SYNPO2: variants seen among roughly 807,000 people sequenced by gnomAD.
SYNPO2 encodes the protein synaptopodin 2.
Under a neutral mutation model 85.0 loss-of-function variants are expected in SYNPO2, and 56 were observed. That is an observed-to-expected ratio of 0.66 (90% confidence interval 0.53 to 0.82). The LOEUF is 0.82. SYNPO2 is among the 40% of genes least tolerant of loss of function. The probability of loss-of-function intolerance (pLI) is 0.00; values close to 1 mark genes in which losing one functional copy is unlikely to be tolerated. For missense variants in SYNPO2, 1,575 were observed against 1,534.2 expected, an observed-to-expected ratio of 1.03 and a Z score of -0.44; for synonymous variants, 602 against 591.1, an observed-to-expected ratio of 1.02 and a Z score of -0.27.
At chr4:118,890,438 C>T (rs1732324532) in intron 1 of SYNPO2, among the ~76,000 whole-genome samples, 1 of 152,136 alleles carries the variant, frequency 6.6e-6, no homozygotes, top group Non-Finnish European at 1.5e-5. Flanking sequence ...AAGTTTTCAG[C>T]TTGGAACTGG....
At chr4:118,962,689 AGAT>A (rs1735148023) in intron 1 of SYNPO2, among the ~76,000 whole-genome samples, 1 of 152,164 alleles carries the variant, frequency 6.6e-6, no homozygotes, top group Non-Finnish European at 1.5e-5. Flanking sequence ...TCAGCTAGGG[AGAT>A]TGGCAAAATC....
intron 1 of SYNPO2, among the ~76,000 whole-genome samples, chr4:118,868,628 A>T (rs1019242131): frequency 1.3e-5 from 2 of 152,180 alleles, no homozygotes; most frequent in Non-Finnish European, 2.9e-5. Flanking sequence ...CAACATGAAA[A>T]AGGAATAAAA....
At chr4:118,861,481 A>G (rs1731610401) in intron 1 of SYNPO2, among the ~76,000 whole-genome samples, 1 of 152,032 alleles carries the variant, frequency 6.6e-6, no homozygotes, top group African/African-American at 2.4e-5. Context: ...GAGCTCTTAG[A>G]TTTAAGTCTT....
At chr4:118,938,457 C>T (rs1415465335) in intron 1 of SYNPO2, among the ~76,000 whole-genome samples, 1 of 152,026 alleles carries the variant, frequency 6.6e-6, no homozygotes, top group Non-Finnish European at 1.5e-5. Context: ...GATGCAGAAA[C>T]TGTAAATATG....
At chr4:118,905,778 G>A (rs906976586) in intron 1 of SYNPO2, among the ~76,000 whole-genome samples, 3 of 152,060 alleles carry the variant, frequency 2.0e-5, no homozygotes, top group Non-Finnish European at 4.4e-5. Context: ...ATCCTCATTT[G>A]TCACCCGAGT....
intron 1 of SYNPO2, among the ~76,000 whole-genome samples, chr4:118,875,476 C>T (rs1417300423): frequency 6.6e-6 from 1 of 152,140 alleles, no homozygotes; most frequent in African/African-American, 2.4e-5. Flanking sequence ...CAGATGTCAT[C>T]ACTGTAACAT....
At chr4:119,040,623 G>A (rs1029538458) in intron 4 of SYNPO2, among the ~76,000 whole-genome samples, 2 of 152,224 alleles carry the variant, frequency 1.3e-5, no homozygotes, top group African/African-American at 4.8e-5. Flanking sequence ...AATGAATGTA[G>A]TGGACTTAGT....
chr4:119,047,357 C>A (rs959439529), intron 4 of SYNPO2, among the ~76,000 whole-genome samples: 1 of 152,218 alleles, frequency 6.6e-6, no homozygotes, highest in African/African-American at 2.4e-5. Flanking sequence ...CTGTGCCCAG[C>A]CCATGAAACT....
intron 1 of SYNPO2, among the ~76,000 whole-genome samples, chr4:118,914,930 T>C (rs944921599): frequency 5.3e-5 from 8 of 151,716 alleles, no homozygotes; most frequent in Admixed American, 2.6e-4. Context: ...GTGCTTAATA[T>C]GTTTATGTTT....
At chr4:118,888,077 C>T (rs1177755106), upstream of SYNPO2, among the ~76,000 whole-genome samples, 2 of 151,978 alleles carry the variant, frequency 1.3e-5, no homozygotes, top group African/African-American at 4.8e-5. Context: ...GGATGACAAA[C>T]TATAAAAATA....
At chr4:118,929,853 T>C (rs1399932920) in intron 1 of SYNPO2, among the ~76,000 whole-genome samples, 2 of 152,160 alleles carry the variant, frequency 1.3e-5, no homozygotes, top group African/African-American at 4.8e-5. Context: ...ATTTGGTTTC[T>C]AATTTATTTA....
chr4:118,880,146 G>A (rs1166747537), intron 1 of SYNPO2, among the ~76,000 whole-genome samples: 2 of 152,170 alleles, frequency 1.3e-5, no homozygotes, highest in African/African-American at 4.8e-5. Flanking sequence ...GTAAGGGTCT[G>A]GCTACTTGCT....
intron 1 of SYNPO2, among the ~76,000 whole-genome samples, chr4:119,007,243 TATGTATATAC>T (rs1360639883): frequency 7.6e-5 from 3 of 39,372 alleles, no homozygotes; most frequent in Non-Finnish European, 1.4e-4. Flanking sequence ...TATATATATA[TATGTATATAC>T]ATATATATAT....
chr4:119,025,990 G>T lies in SYNPO2; in HGVS notation c.258-637G>T, dbSNP rs1224733565. ...CTCCAAGAAACAGATCCAAATAGAA[G>T]AAAGGGAGACATCTCAGATTATAAA... is the stretch of plus-strand genomic sequence containing the variant. On this transcript the variant is annotated intron_variant, in intron 2 of 4. Coordinates refer to ENST00000307142, the MANE Select transcript of SYNPO2 (RefSeq NM_133477.3). 4.6e-5 allele frequency among the ~76,000 whole-genome samples: 7 copies of T among 152,110 alleles called. No homozygotes were observed. The East Asian group carries it at 7.7e-4, about 17-fold the overall frequency.
intron 4 of SYNPO2, among the ~76,000 whole-genome samples, chr4:119,039,393 C>T (rs1738638737): frequency 6.6e-6 from 1 of 152,156 alleles, no homozygotes; most frequent in African/African-American, 2.4e-5. Flanking sequence ...ATGAGTTTTA[C>T]ATGTCTCAGA....
chr4:119,018,467 T>A (rs1009630628), intron 1 of SYNPO2, among the ~76,000 whole-genome samples: 1 of 152,096 alleles, frequency 6.6e-6, no homozygotes, highest in Non-Finnish European at 1.5e-5. Context: ...TAACCAGCAA[T>A]GGGATTGCTG....
intron 1 of SYNPO2, among the ~76,000 whole-genome samples, chr4:118,988,703 G>C (rs1323166549): frequency 6.6e-6 from 1 of 152,136 alleles, no homozygotes; most frequent in Non-Finnish European, 1.5e-5. Context: ...AGGAGTTTCA[G>C]GTCCAGACAT....
At chr4:119,020,423 C>G (rs767580690) in intron 1 of SYNPO2, among the ~76,000 whole-genome samples, 21 of 152,174 alleles carry the variant, frequency 1.4e-4, no homozygotes, top group African/African-American at 1.9e-4. Context: ...ATGAACTGCA[C>G]TTTTCCTATC....
chr4:118,983,401 C>T (rs1180351296), intron 1 of SYNPO2, among the ~76,000 whole-genome samples: 1 of 152,102 alleles, frequency 6.6e-6, no homozygotes, highest in Non-Finnish European at 1.5e-5. Flanking sequence ...TTACTATTTC[C>T]CTTGCATTAT....
Sources: allele counts gnomAD v4.1 joint callset (sites outside exome capture counted in the v4.1 genomes callset), GRCh38; gene constraint gnomAD v4.1.1; transcripts MANE v1.5; gene names NCBI Gene and HGNC (gene_info 2026-07-23, HGNC 2026-07-21).